DLGAP2: variants seen among roughly 807,000 people sequenced by gnomAD.
DLGAP2 encodes disks large-associated protein 2.
A neutral mutation model predicts 100.3 loss-of-function variants in DLGAP2; 26 were observed. The observed-to-expected ratio is 0.26, with a 90% CI of 0.19 to 0.36. The LOEUF (loss-of-function observed/expected upper bound fraction) is 0.36. Ranked by LOEUF, DLGAP2 falls within the 10% of genes least tolerant of loss-of-function variation. DLGAP2 has a pLI of 1.00. For synonymous variants in DLGAP2, 886 were observed against 630.1 expected, an observed-to-expected ratio of 1.41 and a Z score of -6.08; for missense variants, 1,858 against 1,453.2, an observed-to-expected ratio of 1.28 and a Z score of -4.53.
At chr8:927,349 C>A (rs114706403) in intron 2 of DLGAP2, 2 of 658,080 alleles carry the variant, frequency 3.0e-6, no homozygotes, top group Admixed American at 6.3e-5. Flanking sequence ...ATGACCGTGA[C>A]TGTAGCACTT....
At chr8:1,430,011 T>TATATATATATATATATATAC (rs1348288489) in intron 3 of DLGAP2, among the ~76,000 whole-genome samples, 695 of 63,844 alleles carry the variant, frequency 0.011, 70 homozygotes, top group African/African-American at 0.037. Flanking sequence ...TATATACATA[T>TATATATATATATATATATAC]ATATATATAT....
intron 2 of DLGAP2, among the ~76,000 whole-genome samples, chr8:988,912 T>C (rs1042914616): frequency 6.6e-6 from 1 of 152,228 alleles, no homozygotes; most frequent in Non-Finnish European, 1.5e-5. Flanking sequence ...CTCTGTCCTC[T>C]GACAATGCAG....
At chr8:1,246,955 A>G in intron 2 of DLGAP2, 1 of 139,430 alleles carries the variant, frequency 7.2e-6, no homozygotes, top group African/African-American at 3.1e-5. Flanking sequence ...GGCCAGGAAC[A>G]CCTTTGAGAT....
intron 6 of DLGAP2, among the ~76,000 whole-genome samples, chr8:1,596,476 T>A (rs1426937818): frequency 6.6e-6 from 1 of 152,204 alleles, no homozygotes; most frequent in African/African-American, 2.4e-5. Flanking sequence ...TGAACTAACT[T>A]ATACTCCCAC....
intron 2 of DLGAP2, among the ~76,000 whole-genome samples, chr8:1,228,416 C>G (rs767482565): frequency 1.3e-5 from 2 of 152,180 alleles, no homozygotes; most frequent in South Asian, 2.1e-4. Flanking sequence ...TACATATGCT[C>G]TTTCAAAATC....
chr8:1,523,051 G>A (rs1397241160), intron 4 of DLGAP2, among the ~76,000 whole-genome samples: 2 of 152,212 alleles, frequency 1.3e-5, no homozygotes, highest in African/African-American at 4.8e-5. Flanking sequence ...CAGCAGCACT[G>A]GGGTCACACC....
intron 2 of DLGAP2, among the ~76,000 whole-genome samples, chr8:984,439 C>G (rs1422229415): frequency 6.6e-6 from 1 of 152,234 alleles, no homozygotes; most frequent in Non-Finnish European, 1.5e-5. Flanking sequence ...GCTGGTAGCT[C>G]TCAGAGGGCC....
At chr8:1,638,529 G>A (rs1026156535) in intron 8 of DLGAP2, among the ~76,000 whole-genome samples, 6 of 152,248 alleles carry the variant, frequency 3.9e-5, no homozygotes, top group Middle Eastern at 3.4e-3. Context: ...ATGAAGACCC[G>A]CGGCCCGGCC....
At chr8:1,484,036 G>A (rs987330376) in intron 3 of DLGAP2, among the ~76,000 whole-genome samples, 1 of 152,220 alleles carries the variant, frequency 6.6e-6, no homozygotes, top group Non-Finnish European at 1.5e-5. Context: ...CTAGGAAGAG[G>A]ACCACAGCAG....
At chr8:1,045,961 GA>G (rs1802502391) in intron 2 of DLGAP2, among the ~76,000 whole-genome samples, 1 of 152,172 alleles carries the variant, frequency 6.6e-6, no homozygotes, top group African/African-American at 2.4e-5. Flanking sequence ...ATTTCAAAGT[GA>G]AGGGGGCAAG....
chr8:1,005,697 G>C (rs1020367111), intron 2 of DLGAP2, among the ~76,000 whole-genome samples: 4 of 151,908 alleles, frequency 2.6e-5, no homozygotes, highest in South Asian at 4.2e-4. Flanking sequence ...TGGTATTACA[G>C]GCATGAGCCA....
intron 2 of DLGAP2, among the ~76,000 whole-genome samples, chr8:1,163,382 T>TCCGCGGG (rs1563223381): frequency 6.6e-6 from 1 of 152,086 alleles, no homozygotes; most frequent in Non-Finnish European, 1.5e-5. Flanking sequence ...GGGTCCGCGG[T>TCCGCGGG]TCCGGCTGGA....
At chr8:774,691 C>G (rs1328248183) in intron 1 of DLGAP2, among the ~76,000 whole-genome samples, 1 of 151,754 alleles carries the variant, frequency 6.6e-6, no homozygotes, top group Non-Finnish European at 1.5e-5. Flanking sequence ...GGGCTCTGTT[C>G]TGTTCCATTG....
intron 2 of DLGAP2, among the ~76,000 whole-genome samples, chr8:1,120,279 C>G (rs1223045227): frequency 2.6e-5 from 4 of 152,148 alleles, no homozygotes; most frequent in Admixed American, 1.3e-4. Context: ...GGGCCAAGGC[C>G]TGAGAAGCTC....
chr8:1,677,404 A>G lies in DLGAP2; in HGVS notation c.2288+786A>G, dbSNP rs540769308. Among the ~76,000 whole-genome samples the G allele has an allele frequency of 3.4e-3, 512 of 152,268 alleles. 3 individuals carry two copies. The highest frequency in any genetic ancestry group is 0.012 in the African/African-American group (494 of 41,544). On this transcript the variant is annotated intron_variant, in intron 11 of 14. Coordinates refer to ENST00000637795, the MANE Select transcript of DLGAP2 (RefSeq NM_001346810.2). ...CAGTGTCCCTCCCTGTGCCCCCAGC[A>G]AAGGGAACACGTGGCAACGTCACTA...
chr8:1,249,680 G>T (rs1040902580), intron 2 of DLGAP2, among the ~76,000 whole-genome samples: 1 of 152,172 alleles, frequency 6.6e-6, no homozygotes, highest in Non-Finnish European at 1.5e-5. Context: ...CATGGAGCTG[G>T]TGAGACTGGA....
chr8:1,570,741 C>T (rs1032366825), intron 6 of DLGAP2, among the ~76,000 whole-genome samples: 1 of 136,268 alleles, frequency 7.3e-6, no homozygotes, highest in Non-Finnish European at 1.5e-5. Flanking sequence ...GGGACATCTT[C>T]TGGGATGGAG....
intron 1 of DLGAP2, among the ~76,000 whole-genome samples, chr8:756,316 T>TCTGAG (rs1820920658): frequency 6.6e-6 from 1 of 151,954 alleles, no homozygotes; most frequent in African/African-American, 2.4e-5. Flanking sequence ...TGTGGGCAGG[T>TCTGAG]TGGGGCTGAC....
intron 1 of DLGAP2, among the ~76,000 whole-genome samples, chr8:811,411 G>A (rs976485070): frequency 8.4e-5 from 12 of 143,426 alleles, no homozygotes; most frequent in South Asian, 2.3e-4. Context: ...GGCTCCTGCC[G>A]TGGTGAGAGG....
Sources: allele counts gnomAD v4.1 joint callset (sites outside exome capture counted in the v4.1 genomes callset), GRCh38; gene constraint gnomAD v4.1.1; transcripts MANE v1.5; gene names NCBI Gene and HGNC (gene_info 2026-07-23, HGNC 2026-07-21).